TRIO: variants seen among roughly 807,000 people sequenced by gnomAD.
TRIO encodes the protein trio Rho guanine nucleotide exchange factor, also known as triple functional domain protein.
Under a neutral mutation model 351.9 loss-of-function variants are expected in TRIO, and 58 were observed. That is an observed-to-expected ratio of 0.16 (90% CI 0.13 to 0.21). The LOEUF is 0.21. TRIO is among the 10% of genes least tolerant of loss of function. The probability of loss-of-function intolerance (pLI) is 1.00; values close to 1 mark genes in which losing one functional copy is unlikely to be tolerated. For missense variants in TRIO, 3,201 were observed against 4,027.8 expected (o/e 0.79, Z 5.56); for synonymous variants, 1,758 against 1,595.7 (o/e 1.10, Z -2.42).
At chr5:14,452,889 T>A (rs988171534) in intron 34 of TRIO, among the ~76,000 whole-genome samples, 4 of 151,822 alleles carry the variant, frequency 2.6e-5, no homozygotes, top group East Asian at 1.9e-4. Context: ...CTCCTTTTTT[T>A]AAAAAAAACT....
chr5:14,197,443 C>T (rs1390872274), intron 1 of TRIO, among the ~76,000 whole-genome samples: 2 of 152,150 alleles, frequency 1.3e-5, no homozygotes. Flanking sequence ...TGATCTGTAT[C>T]CCTCTCTTTT....
At chr5:14,249,324 C>T (rs1243622198) in intron 1 of TRIO, among the ~76,000 whole-genome samples, 2 of 152,242 alleles carry the variant, frequency 1.3e-5, no homozygotes, top group African/African-American at 4.8e-5. Context: ...AGAGCCCGCC[C>T]ATGGTTAGGC....
chr5:14,179,972 G>C (rs938983391), intron 1 of TRIO, among the ~76,000 whole-genome samples: 1 of 151,704 alleles, frequency 6.6e-6, no homozygotes, highest in Non-Finnish European at 1.5e-5. Context: ...GTGGTGGCAC[G>C]CGCCTATAAT....
intron 19 of TRIO, among the ~76,000 whole-genome samples, chr5:14,375,692 G>T (rs1297291806): frequency 6.6e-6 from 1 of 152,198 alleles, no homozygotes; most frequent in Non-Finnish European, 1.5e-5. Context: ...CCAGGAGCTT[G>T]AGGAAGCCCC....
At chr5:14,500,603 A>T (rs1220696338) in intron 53 of TRIO, among the ~76,000 whole-genome samples, 10 of 152,150 alleles carry the variant, frequency 6.6e-5, no homozygotes, top group Admixed American at 6.5e-4. Flanking sequence ...TGTTGATGAG[A>T]AAAGGGGGCC....
intron 1 of TRIO, among the ~76,000 whole-genome samples, chr5:14,216,553 T>C (rs1038081762): frequency 5.3e-5 from 8 of 152,258 alleles, no homozygotes. Flanking sequence ...AAATAACTTG[T>C]GGTCTGTTCT....
chr5:14,297,559 G>A, intron 7 of TRIO: 1 of 245,496 alleles, frequency 4.1e-6, no homozygotes. Flanking sequence ...ACAGTGCCCG[G>A]CACAGTAAGC....
At chr5:14,319,273 A>G (rs957077547) in intron 9 of TRIO, among the ~76,000 whole-genome samples, 34 of 152,192 alleles carry the variant, frequency 2.2e-4, no homozygotes, top group African/African-American at 7.7e-4. Flanking sequence ...TTGATGAATG[A>G]TCTGGAATGG....
intron 11 of TRIO, among the ~76,000 whole-genome samples, chr5:14,338,827 G>A (rs1741668884): frequency 6.6e-6 from 1 of 152,164 alleles, no homozygotes. Context: ...AGGGAAGAGG[G>A]CCTTGCATCT....
chr5:14,266,025 A>G (rs1795649770), intron 1 of TRIO, among the ~76,000 whole-genome samples: 1 of 152,074 alleles, frequency 6.6e-6, no homozygotes, highest in Non-Finnish European at 1.5e-5. Context: ...GAGTTCATTG[A>G]TTGATTGATT....
In TRIO at chr5:14,496,942, C is replaced by T. The variant is rs574902109; in HGVS notation, c.7944C>T (p.Asp2648=). The change falls in exon 50 of 57, where the codon GAC becomes GAT. Residue 2648 remains aspartate (D), a synonymous_variant. Transcript: ENST00000344204. ...AAAAATCTGAGAAAAAAGATAAAGA[C>T]GGCAAAAGGGAAGGCAAGTTAGAGA... The part of the protein sequence containing the change: ...LRKKSEKKDK[D]GKREGKLENG... The T allele has an allele frequency of 2.4e-5, 39 of 1,614,094 alleles. No individual in the cohort carries two copies. The highest frequency in any genetic ancestry group is 2.2e-4 in the East Asian group (10 of 44,862).
At chr5:14,334,940 G>C (rs1159826523) in intron 10 of TRIO, among the ~76,000 whole-genome samples, 1 of 152,222 alleles carries the variant, frequency 6.6e-6, no homozygotes, top group Non-Finnish European at 1.5e-5. Context: ...GCAGCCATAG[G>C]AGGGGAGGGC....
intron 8 of TRIO, among the ~76,000 whole-genome samples, chr5:14,312,447 AT>A (rs1173285302): frequency 1.3e-5 from 2 of 152,246 alleles, no homozygotes; most frequent in African/African-American, 4.8e-5. Flanking sequence ...TCTTTATAAA[AT>A]GTTAATCTTT....
intron 21 of TRIO, among the ~76,000 whole-genome samples, chr5:14,384,488 G>A (rs1746373912): frequency 6.6e-6 from 1 of 152,030 alleles, no homozygotes; most frequent in Non-Finnish European, 1.5e-5. Flanking sequence ...GATCTCTAGA[G>A]ATAACAAATA....
intron 1 of TRIO, among the ~76,000 whole-genome samples, chr5:14,169,843 A>G (rs555314288): frequency 3.3e-5 from 5 of 152,360 alleles, no homozygotes; most frequent in African/African-American, 1.2e-4. Context: ...TACTTGAAAC[A>G]TGCAGTTGTG....
intron 27 of TRIO, among the ~76,000 whole-genome samples, chr5:14,393,154 A>C (rs1414301294): frequency 6.6e-6 from 1 of 152,116 alleles, no homozygotes; most frequent in African/African-American, 2.4e-5. Flanking sequence ...ACAGAAAACC[A>C]AACACCACAT....
chr5:14,304,432 T>A (rs1210862858), intron 7 of TRIO, 29 bp from the exon 8 acceptor site: 3 of 1,588,256 alleles, frequency 1.9e-6, no homozygotes, highest in South Asian at 2.3e-5. Flanking sequence ...TTGTCATTGA[T>A]AGAAATAATC....
chr5:14,359,252 G>C, intron 12 of TRIO, 105 bp from the exon 13 acceptor site: 1 of 1,413,164 alleles, frequency 7.1e-7, no homozygotes, highest in South Asian at 1.3e-5. Context: ...AAGCAGTGCA[G>C]CTTCCTGCCA....
intron 1 of TRIO, among the ~76,000 whole-genome samples, chr5:14,200,227 G>T (rs1373913687): frequency 2.0e-5 from 3 of 152,034 alleles, no homozygotes; most frequent in African/African-American, 4.8e-5. Flanking sequence ...TCCATTATAT[G>T]CCTCCATCCT....
Sources: allele counts gnomAD v4.1 joint callset (sites outside exome capture counted in the v4.1 genomes callset), GRCh38; gene constraint gnomAD v4.1.1; transcripts MANE v1.5; gene names NCBI Gene and HGNC (gene_info 2026-07-23, HGNC 2026-07-21).